Variants in CFTR observed in about 807,000 individuals in gnomAD.
The protein encoded by CFTR is cystic fibrosis transmembrane conductance regulator.
Under a neutral mutation model 171.6 loss-of-function variants are expected in CFTR, and 181 were observed. The ratio of observed to expected loss-of-function variants is 1.05; its 90% confidence interval spans 0.93 to 1.19. The LOEUF (loss-of-function observed/expected upper bound fraction) is 1.19. CFTR is among the 50% of genes most tolerant of loss of function. The probability of loss-of-function intolerance (pLI) is 0.00; values close to 1 mark genes in which losing one functional copy is unlikely to be tolerated. For missense variants in CFTR, 1,968 were observed against 1,734.7 expected (o/e 1.13, Z -2.39); for synonymous variants, 583 against 608.0 (o/e 0.96, Z 0.60).
At chr7:117,530,140 T>C (rs1415236079) in intron 3 of CFTR, among the ~76,000 whole-genome samples, 1 of 152,118 alleles carries the variant, frequency 6.6e-6, no homozygotes, top group Non-Finnish European at 1.5e-5. Flanking sequence ...ACTTCCGCTC[T>C]CTCTCATTGA....
Position 117,535,408 on chromosome 7 carries a change from A to G in CFTR, c.740A>G (p.Tyr247Cys). 6.2e-7 allele frequency: 1 copy of G among 1,614,036 alleles called. No individual in the cohort carries two copies. The highest frequency in any genetic ancestry group is 8.5e-7 in the Non-Finnish European group (1 of 1,179,920). ...GGGCTAGGGAGAATGATGATGAAGT[A>G]CAGGTAGCAACCTATTTTCATAACT... ...QAGLGRMMMKYRDQRAGKISE... is the reference protein window; with the variant it reads ...QAGLGRMMMKCRDQRAGKISE... The change falls in exon 6 of 27, where the codon TAC (tyrosine) becomes TGC (cysteine). Residue 247 changes from tyrosine to cysteine, a missense_variant. By Grantham distance (194) the Tyr-to-Cys change is radical. Coordinates refer to ENST00000003084, the MANE Select transcript of CFTR (RefSeq NM_000492.4).
At chr7:117,511,652 G>A (rs186153739) in intron 3 of CFTR, among the ~76,000 whole-genome samples, 2 of 152,306 alleles carry the variant, frequency 1.3e-5, no homozygotes, top group Admixed American at 6.5e-5. Context: ...ATTGGGAATG[G>A]CACAAGTGTG....
intron 11 of CFTR, among the ~76,000 whole-genome samples, chr7:117,575,931 C>T (rs1290481231): frequency 1.3e-5 from 2 of 151,982 alleles, no homozygotes; most frequent in African/African-American, 2.4e-5. Context: ...TTTATGTAGT[C>T]ACTTTTATCC....
rs139362505 is a variant in CFTR at position 117,648,159 on chromosome 7, G to GCA, written c.3874-4668_3874-4667dup. Among the ~76,000 whole-genome samples the GCA allele has an allele frequency of 2.6e-3, 380 of 147,386 alleles. 1 individual carries two copies. Among genetic ancestry groups the GCA allele is most frequent in the Non-Finnish European group, 3.8e-3 (251 of 66,734 alleles). ...TGTGTGAGTGTGTGCATATATACAC[G>GCA]CACACACACACACACAAATATATAT... On this transcript the variant is annotated intron_variant, in intron 23 of 26. Coordinates refer to ENST00000003084, the MANE Select transcript of CFTR (RefSeq NM_000492.4).
intron 1 of CFTR, among the ~76,000 whole-genome samples, chr7:117,501,747 C>CAAAAAAAAAA (rs1212853305): frequency 2.3e-4 from 10 of 43,882 alleles, no homozygotes; most frequent in Admixed American, 3.1e-4. Flanking sequence ...AACTCTGTCT[C>CAAAAAAAAAA]AAAAAAAAAA....
chr7:117,615,534 T>C (rs1792473079), intron 21 of CFTR, among the ~76,000 whole-genome samples: 1 of 151,866 alleles, frequency 6.6e-6, no homozygotes, highest in Non-Finnish European at 1.5e-5. Context: ...TTCTTATTCC[T>C]AAAGTGTTTA....
intron 21 of CFTR, among the ~76,000 whole-genome samples, chr7:117,617,307 G>A (rs774427475): frequency 2.0e-5 from 3 of 150,308 alleles, no homozygotes; most frequent in African/African-American, 7.3e-5. Context: ...CTTCCACCTG[G>A]TGCTTATGCC....
At chr7:117,559,696 C>A (rs1289456569) in intron 11 of CFTR, 41 bp downstream of exon 11, 4 of 1,330,360 alleles carry the variant, frequency 3.0e-6, no homozygotes, top group Admixed American at 1.7e-5. Flanking sequence ...TGCATATGAA[C>A]CCTTCACACT....
At chr7:117,518,135 T>C (rs989929574) in intron 3 of CFTR, among the ~76,000 whole-genome samples, 3 of 151,852 alleles carry the variant, frequency 2.0e-5, no homozygotes, top group African/African-American at 7.2e-5. Context: ...TATGGAACTC[T>C]ATATGTAGTT....
chr7:117,568,145 G>C (rs1791632911), intron 11 of CFTR, among the ~76,000 whole-genome samples: 1 of 152,140 alleles, frequency 6.6e-6, no homozygotes, highest in Non-Finnish European at 1.5e-5. Flanking sequence ...TGCCCTTTGG[G>C]GAAGCTGTAG....
intron 7 of CFTR, among the ~76,000 whole-genome samples, chr7:117,538,744 A>C (rs978741713): frequency 1.1e-5 from 1 of 95,190 alleles, no homozygotes; most frequent in Non-Finnish European, 1.8e-5. Flanking sequence ...TGACTTGCTT[A>C]AGATGGCATA....
At chr7:117,586,164 G>C (rs1313206424) in intron 11 of CFTR, 1 of 152,082 alleles carries the variant, frequency 6.6e-6, no homozygotes, top group Non-Finnish European at 1.5e-5. Context: ...TGCAATTCTT[G>C]TTATTTGGAT....
At chr7:117,563,483 C>T (rs899921536) in intron 11 of CFTR, among the ~76,000 whole-genome samples, 2 of 151,970 alleles carry the variant, frequency 1.3e-5, no homozygotes, top group Admixed American at 1.3e-4. Flanking sequence ...AAAAATGATC[C>T]TTCAGGAAAG....
intron 11 of CFTR, chr7:117,586,479 C>G (rs1287933583): frequency 6.6e-6 from 1 of 152,092 alleles, no homozygotes; most frequent in Non-Finnish European, 1.5e-5. Flanking sequence ...TAGCATGATG[C>G]CAGCCAACAG....
At chr7:117,584,504 G>A (rs1935504568) in intron 11 of CFTR, among the ~76,000 whole-genome samples, 1 of 152,080 alleles carries the variant, frequency 6.6e-6, no homozygotes, top group Non-Finnish European at 1.5e-5. Flanking sequence ...TTATTTCTGG[G>A]TTCTCTATTC....
At chr7:117,531,592 A>C (rs1798867718) in intron 4 of CFTR, among the ~76,000 whole-genome samples, 1 of 152,168 alleles carries the variant, frequency 6.6e-6, no homozygotes, top group African/African-American at 2.4e-5. Context: ...TTGGATTTTT[A>C]TCATCCTATG....
At chr7:117,485,098 CT>C (rs1798054023) in intron 1 of CFTR, among the ~76,000 whole-genome samples, 1 of 152,108 alleles carries the variant, frequency 6.6e-6, no homozygotes, top group Non-Finnish European at 1.5e-5. Context: ...AATGTTAACA[CT>C]TGTTTAAAGG....
chr7:117,531,450 T>C (rs764017321), intron 4 of CFTR, among the ~76,000 whole-genome samples: 2 of 152,106 alleles, frequency 1.3e-5, no homozygotes, highest in Non-Finnish European at 2.9e-5. Context: ...TATCATCTTA[T>C]AGTAAAATGC....
intron 1 of CFTR, among the ~76,000 whole-genome samples, chr7:117,484,241 A>G (rs1361813800): frequency 5.3e-5 from 8 of 152,222 alleles, no homozygotes; most frequent in Non-Finnish European, 1.0e-4. Context: ...GAAAAACCTT[A>G]GGTTATCCAA....
Sources: allele counts gnomAD v4.1 joint callset (sites outside exome capture counted in the v4.1 genomes callset), GRCh38; gene constraint gnomAD v4.1.1; transcripts MANE v1.5; gene names NCBI Gene and HGNC (gene_info 2026-07-23, HGNC 2026-07-21).